The following FBXO36 variants were observed in gnomAD, a reference collection of about 807,000 sequenced individuals.
The protein encoded by FBXO36 is F-box only protein 36.
FBXO36 carries 18 observed loss-of-function variants against 17.0 expected under a neutral mutation model. The ratio of observed to expected loss-of-function variants is 1.06; its 90% confidence interval spans 0.73 to 1.57. The LOEUF (loss-of-function observed/expected upper bound fraction) is 1.57, where lower values mean the gene tolerates loss of function less well. Among genes scored for constraint, FBXO36 ranks in the 40% most tolerant of loss-of-function variants. The pLI, the probability that FBXO36 is intolerant of heterozygous loss-of-function variation, is 0.00. For missense variants in FBXO36, 229 were observed against 221.9 expected (o/e 1.03, Z -0.20); for synonymous variants, 83 against 85.3 (o/e 0.97, Z 0.15).
At chr2:229,943,256 C>T (rs894164083) in intron 1 of FBXO36, 1 of 152,256 alleles carries the variant, frequency 6.6e-6, no homozygotes, top group Admixed American at 6.5e-5. Context: ...TAGGCATTAC[C>T]GCTAGGTAAG....
chr2:230,002,365 T>G (rs910556620), intron 3 of FBXO36, among the ~76,000 whole-genome samples: 4 of 151,806 alleles, frequency 2.6e-5, no homozygotes, highest in Non-Finnish European at 4.4e-5. Flanking sequence ...TCTCTGTTTT[T>G]TCCCCCCCGT....
chr2:229,935,273 A>G (rs576336185), intron 1 of FBXO36, among the ~76,000 whole-genome samples: 2 of 152,222 alleles, frequency 1.3e-5, no homozygotes, highest in African/African-American at 4.8e-5. Flanking sequence ...CCTGAAAATC[A>G]TAAGAGTCTC....
At chr2:229,957,869 G>A (rs1040644754) in intron 1 of FBXO36, among the ~76,000 whole-genome samples, 1 of 152,072 alleles carries the variant, frequency 6.6e-6, no homozygotes, top group African/African-American at 2.4e-5. Context: ...CAAGAAACTT[G>A]GGCAAAATTT....
intron 1 of FBXO36, among the ~76,000 whole-genome samples, chr2:229,958,123 C>G (rs118029517): frequency 6.6e-6 from 1 of 151,886 alleles, no homozygotes; most frequent in East Asian, 1.9e-4. Context: ...ATTATTTTTT[C>G]AGAGGTTTGT....
chr2:229,964,144 A>C (rs1490953454), intron 1 of FBXO36, among the ~76,000 whole-genome samples: 1 of 152,014 alleles, frequency 6.6e-6, no homozygotes, highest in Non-Finnish European at 1.5e-5. Flanking sequence ...TTAATTGCAA[A>C]TGTTTTTCAG....
chr2:229,938,987 C>T (rs2076982227), intron 1 of FBXO36, among the ~76,000 whole-genome samples: 1 of 151,826 alleles, frequency 6.6e-6, no homozygotes, highest in Non-Finnish European at 1.5e-5. Context: ...GCTCGAGCCA[C>T]CGCGCCCAGC....
Position 229,996,836 on chromosome 2 carries a change from C to G in FBXO36, c.291C>G (p.Leu97=), listed in dbSNP as rs757917554. 1.2e-6 allele frequency: 2 copies of G among 1,614,072 alleles called. No individual in the cohort carries two copies. The highest frequency in any genetic ancestry group is 2.2e-5 in the South Asian group (2 of 91,070). Residue 97 remains leucine (L), a synonymous_variant, in exon 3 of 4, where the codon CTC becomes CTG. Coordinates refer to ENST00000283946, the MANE Select transcript of FBXO36 (RefSeq NM_174899.5). ...GTAAATTTGACTTCCTTGAACGGCT[C>G]TCAGACGATTTGCTCCTGACTATCA... ...CKGKFDFLER[L]SDDLLLTIIS... is the part of the protein sequence containing the mutation.
In FBXO36 at chr2:229,976,236, T is replaced by A; in HGVS notation, c.97-5T>A. The A allele has an allele frequency of 6.3e-7, 1 of 1,582,410 alleles. No homozygotes were observed. The highest frequency in any genetic ancestry group is 1.4e-5 in the African/African-American group (1 of 73,520). ...TAATTCATATCACTTTGTATTTAAT[T>A]ATAGGTAATCTTTAGATGGTGGAAG... On this transcript the variant is annotated splice_polypyrimidine_tract_variant and splice_region_variant and intron_variant, in intron 1 of 3. Coordinates refer to ENST00000283946, the MANE Select transcript of FBXO36 (RefSeq NM_174899.5).
At chr2:229,963,316 G>A (rs2077133644) in intron 1 of FBXO36, among the ~76,000 whole-genome samples, 1 of 151,788 alleles carries the variant, frequency 6.6e-6, no homozygotes, top group Non-Finnish European at 1.5e-5. Flanking sequence ...CGCCCACCTC[G>A]GCCTCCCAAA....
At chr2:229,939,211 G>A (rs903727411) in intron 1 of FBXO36, 5 of 984,650 alleles carry the variant, frequency 5.1e-6, no homozygotes, top group African/African-American at 1.7e-5. Flanking sequence ...GAGCCACCGC[G>A]CCCGGCCCAA....
chr2:229,999,764 T>C (rs2077348443), intron 3 of FBXO36, among the ~76,000 whole-genome samples: 1 of 152,012 alleles, frequency 6.6e-6, no homozygotes, highest in Non-Finnish European at 1.5e-5. Context: ...GGTAAACTCA[T>C]GTCACAGGGT....
chr2:229,952,629 G>T (rs533140861), intron 1 of FBXO36, among the ~76,000 whole-genome samples: 1 of 152,012 alleles, frequency 6.6e-6, no homozygotes, highest in East Asian at 1.9e-4. Context: ...AAAGTGCCTC[G>T]CATCCCCAGC....
chr2:229,971,807 G>C (rs935904567), intron 1 of FBXO36, among the ~76,000 whole-genome samples: 1 of 151,520 alleles, frequency 6.6e-6, no homozygotes, highest in Non-Finnish European at 1.5e-5. Flanking sequence ...TCCCACCTCA[G>C]CACAGACACG....
At chr2:229,981,041 CA>C (rs1560449014) in intron 2 of FBXO36, among the ~76,000 whole-genome samples, 1 of 152,176 alleles carries the variant, frequency 6.6e-6, no homozygotes, top group Non-Finnish European at 1.5e-5. Context: ...CATGGTAGCA[CA>C]GACTGGGACT....
chr2:229,930,432 C>G (rs1203905782), intron 1 of FBXO36, among the ~76,000 whole-genome samples: 2 of 151,996 alleles, frequency 1.3e-5, no homozygotes, highest in Non-Finnish European at 2.9e-5. Context: ...TTTCACAGTC[C>G]CTTATTCTTC....
intron 1 of FBXO36, chr2:229,945,180 G>C (rs1163218672): frequency 6.6e-6 from 1 of 152,144 alleles, no homozygotes; most frequent in Non-Finnish European, 1.5e-5. Flanking sequence ...AGGAGAGTTT[G>C]TAAGTCATTC....
chr2:229,967,169 C>T (rs1299448205), intron 1 of FBXO36, among the ~76,000 whole-genome samples: 1 of 152,162 alleles, frequency 6.6e-6, no homozygotes, highest in East Asian at 1.9e-4. Flanking sequence ...CATGGTTTGG[C>T]TCTCTGTTTG....
intron 2 of FBXO36, among the ~76,000 whole-genome samples, chr2:229,991,108 G>A (rs1467611867): frequency 1.3e-5 from 2 of 151,932 alleles, no homozygotes; most frequent in Non-Finnish European, 2.9e-5. Flanking sequence ...GCTAATTTTT[G>A]TATTTTTAAT....
intron 3 of FBXO36, among the ~76,000 whole-genome samples, chr2:230,005,128 A>G (rs1393117965): frequency 6.6e-6 from 1 of 152,196 alleles, no homozygotes; most frequent in Non-Finnish European, 1.5e-5. Context: ...AGACAGGGTC[A>G]TCTTGCTGTG....
Sources: gnomAD v4.1 joint callset for allele counts (sites outside exome capture counted in the v4.1 genomes callset) on GRCh38, gnomAD v4.1.1 for gene constraint, MANE v1.5 for transcripts, NCBI Gene and HGNC (gene_info 2026-07-23, HGNC 2026-07-21) for gene names.